The following ZNF420 variants were observed in gnomAD, a reference collection of about 807,000 sequenced individuals.
The protein encoded by ZNF420 is zinc finger protein 420.
ZNF420 carries 31 observed loss-of-function variants against 44.7 expected under a neutral mutation model. The observed-to-expected ratio is 0.69, with a 90% CI of 0.52 to 0.94. The LOEUF is 0.94. Ranked by LOEUF, ZNF420 falls within the 40% of genes least tolerant of loss-of-function variation. The pLI is 0.00. For synonymous variants in ZNF420, 245 were observed against 267.4 expected (o/e 0.92, Z 0.82); for missense variants, 681 against 827.9 (o/e 0.82, Z 2.18).
chr19:37,084,611 C>A (rs1968656049), intron 2 of ZNF420, among the ~76,000 whole-genome samples: 1 of 152,032 alleles, frequency 6.6e-6, no homozygotes, highest in African/African-American at 2.4e-5. Flanking sequence ...AGTATTATAT[C>A]TGCCTTAAAT....
chr19:37,106,729 CAA>C (rs894287010), intron 4 of ZNF420: 1 of 152,096 alleles, frequency 6.6e-6, no homozygotes. Context: ...GAGACAGAGA[CAA>C]AGTGTGGAGA....
intron 1 of ZNF420, among the ~76,000 whole-genome samples, chr19:37,039,853 A>T (rs1967421952): frequency 6.6e-6 from 1 of 152,032 alleles, no homozygotes; most frequent in Admixed American, 6.6e-5. Flanking sequence ...GGCATGCACC[A>T]CAATACATAG....
chr19:37,008,069 C>G (rs917058406), exon 1 of ZNF420: 1 of 263,452 alleles, frequency 3.8e-6, no homozygotes, highest in Non-Finnish European at 7.3e-6. Flanking sequence ...CAGGCCTGCC[C>G]GGACGGTGTG....
At chr19:37,049,291 C>T (rs1244115791) in intron 1 of ZNF420, among the ~76,000 whole-genome samples, 12 of 152,216 alleles carry the variant, frequency 7.9e-5, no homozygotes, top group Non-Finnish European at 1.5e-5. Context: ...GGAAGCACCA[C>T]ACTGACTTCA....
intron 2 of ZNF420, among the ~76,000 whole-genome samples, chr19:37,082,819 G>GT (rs1378906585): frequency 3.3e-5 from 5 of 152,120 alleles, no homozygotes. Context: ...ATGCTCATTT[G>GT]TTTTATATTG....
intron 4 of ZNF420, among the ~76,000 whole-genome samples, chr19:37,113,246 A>C (rs12459844): frequency 0.019 from 2,940 of 152,058 alleles, 79 homozygotes; most frequent in East Asian, 0.05. Flanking sequence ...TTCTTGTAGT[A>C]GTTTGAATAG....
intron 4 of ZNF420, among the ~76,000 whole-genome samples, chr19:37,118,809 G>A (rs1041668836): frequency 6.6e-6 from 1 of 151,630 alleles, no homozygotes; most frequent in Non-Finnish European, 1.5e-5. Context: ...AAAAAGGCAG[G>A]GGTTGCAATC....
chr19:37,025,677 C>T (rs373747149), intron 1 of ZNF420, among the ~76,000 whole-genome samples: 174 of 151,770 alleles, frequency 1.1e-3, no homozygotes, highest in African/African-American at 4.1e-3. Context: ...CAATGCAGAG[C>T]TCAGTATCAC....
At chr19:37,077,125 C>T (rs114089368), upstream of ZNF420, among the ~76,000 whole-genome samples, 2 of 152,208 alleles carry the variant, frequency 1.3e-5, no homozygotes, top group African/African-American at 4.8e-5. Context: ...TTTGATTATT[C>T]AAAAATCATA....
chr19:37,068,896 A>G (rs1048653692), intron 1 of ZNF420, among the ~76,000 whole-genome samples: 1 of 152,186 alleles, frequency 6.6e-6, no homozygotes, highest in Non-Finnish European at 1.5e-5. Flanking sequence ...GAAATGTTCA[A>G]TTTTCCATGA....
intron 1 of ZNF420, among the ~76,000 whole-genome samples, chr19:37,065,275 T>C (rs1967949753): frequency 6.6e-6 from 1 of 152,210 alleles, no homozygotes; most frequent in African/African-American, 2.4e-5. Flanking sequence ...GCTTCCACCC[T>C]TTAGCATAGA....
chr19:37,107,560 T>C (rs1225221626), intron 4 of ZNF420: 1 of 152,142 alleles, frequency 6.6e-6, no homozygotes, highest in Non-Finnish European at 1.5e-5. Context: ...TGTCTACTTA[T>C]TTCTGCATAG....
chr19:37,047,683 A>G lies in ZNF420; in HGVS notation c.-124-32662A>G, dbSNP rs561015677. ...TTTGGATTTTTACATTTCTGTTGCA[A>G]GTGTATTCTTAGGTACATGTTTTTC... On this transcript the variant is annotated intron_variant, in intron 1 of 4. Transcript: ENST00000587029. 3.9e-5 allele frequency among the ~76,000 whole-genome samples: 6 copies of G among 152,242 alleles called. No homozygotes were observed. In the South Asian group the frequency reaches 8.3e-4, roughly 21 times the overall value.
At chr19:37,094,989 G>T (rs1019475574) in intron 4 of ZNF420, among the ~76,000 whole-genome samples, 7 of 152,096 alleles carry the variant, frequency 4.6e-5, no homozygotes, top group Admixed American at 2.0e-4. Context: ...AAATTCGGTA[G>T]GTGTGGTGGC....
rs1258103641 is a variant in ZNF420, at chr19:37,130,321, G to A, written c.*1263G>A. The stretch of plus-strand genomic sequence containing the variant: ...AAAATTAAACATCTTATTTGTTGAT[G>A]CTATTGTAGTTCTGTTATTGACAAT... On this transcript the variant is annotated 3_prime_UTR_variant, in exon 5 of 5. Transcript: ENST00000337995. 7.3e-7 allele frequency: 1 copy of A among 1,377,910 alleles called. No individual in the cohort carries two copies. Among genetic ancestry groups the A allele is most frequent in the Non-Finnish European group, 9.4e-7 (1 of 1,062,280 alleles). The allele number at this position is 1,377,910 out of a possible 1,614,324, so 85.4% of individuals were successfully genotyped here.
intron 1 of ZNF420, among the ~76,000 whole-genome samples, chr19:37,044,799 A>G (rs757042746): frequency 6.6e-6 from 1 of 152,218 alleles, no homozygotes; most frequent in Non-Finnish European, 1.5e-5. Flanking sequence ...ATTGCACTCC[A>G]GCCAAACTAC....
chr19:37,103,631 T>C (rs146363171), intron 4 of ZNF420, among the ~76,000 whole-genome samples: 1 of 152,362 alleles, frequency 6.6e-6, no homozygotes, highest in Non-Finnish European at 1.5e-5. Flanking sequence ...TCTATACTAA[T>C]TCAACCTCTT....
chr19:37,033,651 C>T (rs184749346), intron 1 of ZNF420, among the ~76,000 whole-genome samples: 86 of 152,330 alleles, frequency 5.6e-4, no homozygotes, highest in African/African-American at 1.7e-3. Context: ...TGTTGCTATA[C>T]ACATGAATTT....
At chr19:37,013,071 G>T (rs555041711) in intron 1 of ZNF420, among the ~76,000 whole-genome samples, 1 of 151,928 alleles carries the variant, frequency 6.6e-6, no homozygotes, top group South Asian at 2.1e-4. Context: ...CGTGGGTCCC[G>T]CAGGAGTTGA....
Sources: allele counts gnomAD v4.1 joint callset (sites outside exome capture counted in the v4.1 genomes callset), GRCh38; gene constraint gnomAD v4.1.1; transcripts MANE v1.5; gene names NCBI Gene and HGNC (gene_info 2026-07-23, HGNC 2026-07-21).